ZNF33B: variants seen among roughly 807,000 people sequenced by gnomAD.
The protein encoded by ZNF33B is zinc finger protein 33B.
ZNF33B carries 29 observed loss-of-function variants against 45.8 expected under a neutral mutation model. That is an observed-to-expected ratio of 0.63 (90% CI 0.47 to 0.86). The LOEUF is 0.86. Among genes scored for constraint, ZNF33B ranks in the 40% least tolerant of loss-of-function variants. ZNF33B has a pLI of 0.00. For missense variants in ZNF33B, 831 were observed against 909.9 expected, an observed-to-expected ratio of 0.91 and a Z score of 1.12; for synonymous variants, 305 against 307.8, an observed-to-expected ratio of 0.99 and a Z score of 0.10.
rs145947102 is a variant in ZNF33B, at chr10:42,591,425, AT to A, written c.*1187del. 6.5e-6 allele frequency: 2 copies of A among 306,902 alleles called. No individual in the cohort carries two copies. Among genetic ancestry groups the A allele is most frequent in the Non-Finnish European group, 4.8e-6 (1 of 209,890 alleles). The allele number at this position is 306,902 out of a possible 1,614,324, so 19.0% of individuals were successfully genotyped here. A position where few individuals can be genotyped will look rare whatever the true frequency, so the allele number is the denominator to read the frequency against. ...CTAGATCTTCACACGTACAGGATAG[AT>A]TTTTTTTCAGATAATCTGTTATTTT... On this transcript the variant is annotated 3_prime_UTR_variant, in exon 5 of 5. Coordinates refer to ENST00000359467, the MANE Select transcript of ZNF33B (RefSeq NM_006955.3).
chr10:42,576,219 G>T (rs183212313), intron 1 of ZNF33B, among the ~76,000 whole-genome samples: 2 of 151,274 alleles, frequency 1.3e-5, no homozygotes, highest in Non-Finnish European at 2.9e-5. Flanking sequence ...GAACTCCTGA[G>T]CTCAGGCGAT....
chr10:42,613,225 T>A (rs1838173627), intron 4 of ZNF33B, among the ~76,000 whole-genome samples: 2 of 152,276 alleles, frequency 1.3e-5, no homozygotes, highest in African/African-American at 4.8e-5. Flanking sequence ...GGCAGTGCTA[T>A]ACATGTATAC....
intron 2 of ZNF33B, among the ~76,000 whole-genome samples, chr10:42,634,844 C>T (rs1839215957): frequency 6.6e-6 from 1 of 152,182 alleles, no homozygotes; most frequent in Non-Finnish European, 1.5e-5. Flanking sequence ...AAGAGATTAT[C>T]TTCATGACCT....
chr10:42,626,731 G>A (rs1252835158), intron 4 of ZNF33B, among the ~76,000 whole-genome samples: 2 of 139,644 alleles, frequency 1.4e-5, no homozygotes, highest in Admixed American at 1.4e-4. Flanking sequence ...ATAAAATAAA[G>A]AAATGTTCCT....
intron 4 of ZNF33B, among the ~76,000 whole-genome samples, chr10:42,603,127 G>C (rs2132069633): frequency 1.3e-5 from 2 of 152,282 alleles, no homozygotes; most frequent in South Asian, 4.2e-4. Flanking sequence ...AAGAAGACCA[G>C]AGACTACTGC....
At chr10:42,585,533 G>A (rs1012291792), downstream of ZNF33B, among the ~76,000 whole-genome samples, 3 of 152,332 alleles carry the variant, frequency 2.0e-5, no homozygotes, top group East Asian at 5.8e-4. Context: ...ATGGGAACTA[G>A]AAGTTATCTC....
At chr10:42,587,340 C>A (rs1253647373), downstream of ZNF33B, among the ~76,000 whole-genome samples, 1 of 152,128 alleles carries the variant, frequency 6.6e-6, no homozygotes, top group Non-Finnish European at 1.5e-5. Context: ...GCTGGGATTA[C>A]AGGTGCCCAC....
At chr10:42,635,118 G>A (rs1375257955) in intron 2 of ZNF33B, among the ~76,000 whole-genome samples, 2 of 152,056 alleles carry the variant, frequency 1.3e-5, no homozygotes, top group African/African-American at 2.4e-5. Flanking sequence ...GCATGTGCCT[G>A]TAATTTCAGC....
At chr10:42,623,330 G>A (rs1838671794) in intron 4 of ZNF33B, among the ~76,000 whole-genome samples, 1 of 152,138 alleles carries the variant, frequency 6.6e-6, no homozygotes, top group South Asian at 2.1e-4. Context: ...AAAGCTAAAA[G>A]AAATACACTT....
chr10:42,619,938 G>T (rs115894392), intron 4 of ZNF33B, among the ~76,000 whole-genome samples: 2,551 of 151,960 alleles, frequency 0.017, 77 homozygotes, highest in African/African-American at 0.059. Flanking sequence ...ATCAGGCCAG[G>T]TGTGGTCGGC....
rs752056339 is a variant in ZNF33B at position 42,593,160 on chromosome 10, G to C, written c.1790C>G (p.Thr597Arg). 1.2e-6 allele frequency: 2 copies of C among 1,613,334 alleles called. No individual in the cohort carries two copies. Among genetic ancestry groups the C allele is most frequent in the South Asian group, 1.1e-5 (1 of 91,054 alleles). ...CCCTGTATGTGTTCTATTATGTTTT[G>C]TTAGGTATGATTTATTGTAAAAGAT... ...GKIFYNKSYL[T>R]KHNRTHTGEK... The change falls in exon 5 of 5, where the codon ACA (threonine) becomes AGA (arginine). Residue 597 changes from threonine (T) to arginine (R), a missense_variant. Transcript: ENST00000359467.
chr10:42,637,079 C>T, intron 1 of ZNF33B, 107 bp from the exon 2 acceptor site: 5 of 1,049,102 alleles, frequency 4.8e-6, no homozygotes, highest in East Asian at 4.8e-5. Flanking sequence ...TAAAATGCTC[C>T]GTCTGGGAGA....
In ZNF33B at chr10:42,590,075, T is replaced by C. The variant is rs1416808708; in HGVS notation, c.*2538A>G. 2.0e-5 allele frequency: 3 copies of C among 152,246 alleles called. No homozygotes were observed. Among genetic ancestry groups the C allele is most frequent in the Non-Finnish European group, 4.4e-5 (3 of 68,052 alleles). The allele number at this position is 152,246 out of a possible 1,614,324, so 9.4% of individuals were successfully genotyped here. The stretch of plus-strand genomic sequence containing the variant: ...TCATATTTAATCTTTGAACTGCTAA[T>C]GCATGCAATGGATTGCACTGAATAT... On this transcript the variant is annotated 3_prime_UTR_variant, in exon 5 of 5. Coordinates refer to ENST00000359467, the MANE Select transcript of ZNF33B (RefSeq NM_006955.3).
At chr10:42,584,532 T>C (rs902166853), downstream of ZNF33B, among the ~76,000 whole-genome samples, 8 of 151,828 alleles carry the variant, frequency 5.3e-5, no homozygotes, top group Non-Finnish European at 1.0e-4. Flanking sequence ...GAGCTTTTTT[T>C]TTTTTTGAGA....
At chr10:42,582,912 A>T (rs527959448) in intron 1 of ZNF33B, 1 of 493,784 alleles carries the variant, frequency 2.0e-6, no homozygotes, top group East Asian at 3.6e-5. Context: ...GGCTGTTTCC[A>T]AATTTGTTGC....
intron 2 of ZNF33B, among the ~76,000 whole-genome samples, chr10:42,636,115 G>A (rs570474177): frequency 6.6e-5 from 10 of 152,038 alleles, no homozygotes; most frequent in African/African-American, 1.7e-4. Flanking sequence ...GCAACAGAGC[G>A]AGACTCTGTC....
rs776895689 is a variant in ZNF33B at position 42,593,126 on chromosome 10, G to C, written c.1824C>G (p.Pro608=). ...KHNRTHTGEK[P]YECNECGKTF... ...TTTTTCCACATTCATTACATTCATA[G>C]GGTTTCTCCCCTGTATGTGTTCTAT... The change falls in exon 5 of 5, where the codon CCC becomes CCG. Residue 608 remains proline, a synonymous_variant. Coordinates refer to ENST00000359467, the MANE Select transcript of ZNF33B (RefSeq NM_006955.3). The C allele has an allele frequency of 8.7e-6, 14 of 1,613,176 alleles. No individual in the cohort carries two copies. Among genetic ancestry groups the C allele is most frequent in the Non-Finnish European group, 1.2e-5 (14 of 1,179,818 alleles).
Position 42,582,064 on chromosome 10 carries a change from C to T in ZNF33B, c.74-7386G>A, listed in dbSNP as rs189991254. Reference sequence around the variant, plus strand: ...CCGGGAGGCAGAGGTTGCAGTGAGCCGAGACCGCACCATTGTACTTCAGCC... The same window carrying T: ...CCGGGAGGCAGAGGTTGCAGTGAGCTGAGACCGCACCATTGTACTTCAGCC... On this transcript the variant is annotated intron_variant, in intron 1 of 1. Transcript: ENST00000462075. 585 of 152,488 alleles carry T rather than the reference C, an allele frequency of 3.8e-3. 6 individuals are homozygous for T. Among genetic ancestry groups the T allele is most frequent in the African/African-American group, 0.013 (531 of 41,520 alleles). The allele number at this position is 152,488 out of a possible 1,614,324, so 9.4% of individuals were successfully genotyped here. A position where few individuals can be genotyped will look rare whatever the true frequency, so the allele number is the denominator to read the frequency against.
Position 42,592,972 on chromosome 10 carries a change from T to C in ZNF33B, c.1978A>G (p.Thr660Ala), listed in dbSNP as rs1017638848. The C allele has an allele frequency of 8.7e-6, 14 of 1,613,874 alleles. No homozygotes were observed. The highest frequency in any genetic ancestry group is 1.6e-4 in the Middle Eastern group (1 of 6,084). ...TTACATTTATAAGGCTTTTCTTGTGTATGGGTTCTCTGATGTACAATTAGA... is the reference window on the plus strand; with the variant it reads ...TTACATTTATAAGGCTTTTCTTGTGCATGGGTTCTCTGATGTACAATTAGA... ...SALIVHQRTH[T>A]QEKPYKCNEC... Residue 660 changes from threonine to alanine, a missense_variant, in exon 5 of 5, where the codon ACA (threonine) becomes GCA (alanine). Transcript: ENST00000359467.
Sources: allele counts gnomAD v4.1 joint callset (sites outside exome capture counted in the v4.1 genomes callset), GRCh38; gene constraint gnomAD v4.1.1; transcripts MANE v1.5; gene names NCBI Gene and HGNC (gene_info 2026-07-23, HGNC 2026-07-21).